The following ZNF605 variants were observed in gnomAD, a reference collection of about 807,000 sequenced individuals.
The protein encoded by ZNF605 is zinc finger protein 605.
A neutral mutation model predicts 7.9 loss-of-function variants in ZNF605; 9 were observed. The observed-to-expected ratio is 1.14, with a 90% CI of 0.68 to 1.98. ZNF605 has a LOEUF of 1.98. Ranked by LOEUF, ZNF605 falls within the 30% of genes most tolerant of loss-of-function variation. The probability of loss-of-function intolerance (pLI) is 0.00; values close to 1 mark genes in which losing one functional copy is unlikely to be tolerated. For missense variants in ZNF605, 673 were observed against 762.4 expected (o/e 0.88, Z 1.38); for synonymous variants, 255 against 260.1 (o/e 0.98, Z 0.19).
intron 3 of ZNF605, among the ~76,000 whole-genome samples, chr12:132,937,981 T>C (rs2137141344): frequency 6.6e-6 from 1 of 152,294 alleles, no homozygotes; most frequent in South Asian, 2.1e-4. Context: ...CATTTATTTA[T>C]TTATTTATTA....
chr12:132,933,295 C>G lies in ZNF605; in HGVS notation c.16-140G>C. On this transcript the variant is annotated intron_variant, in intron 3 of 4. Coordinates refer to ENST00000360187, the MANE Select transcript of ZNF605 (RefSeq NM_183238.4). This position sits in a 1 kb window ranked among gnomAD's most constrained non-coding sequence, Gnocchi z 4.4. Reference sequence around the variant, plus strand: ...CCGGTATTCATGCTTTTGCATAATCCTCCCCTCTTGACCGTGGGCTGGACT... The same window carrying G: ...CCGGTATTCATGCTTTTGCATAATCGTCCCCTCTTGACCGTGGGCTGGACT... The G allele has an allele frequency of 1.0e-6, 1 of 959,944 alleles. No homozygotes were observed. Among genetic ancestry groups the G allele is most frequent in the East Asian group, 2.7e-5 (1 of 37,558 alleles). 59.5% of individuals were successfully genotyped at this position (959,944 alleles called of 1,614,324 possible).
intron 4 of ZNF605, among the ~76,000 whole-genome samples, chr12:132,932,528 T>A (rs1419460422): frequency 6.6e-6 from 1 of 152,048 alleles, no homozygotes; most frequent in Non-Finnish European, 1.5e-5. Flanking sequence ...AAAAGACACA[T>A]CCCGATGTGG....
At chr12:132,935,678 G>A (rs1363759774) in intron 3 of ZNF605, among the ~76,000 whole-genome samples, 2 of 152,098 alleles carry the variant, frequency 1.3e-5, no homozygotes, top group East Asian at 3.9e-4. Flanking sequence ...GGATCACGAG[G>A]TAAGGAGATC....
rs1952187918 is a variant in ZNF605, at chr12:132,919,870, CT to C, written c.*5502del. 1 of 151,630 alleles carries C rather than the reference CT, an allele frequency of 6.6e-6. No homozygotes were observed. Among genetic ancestry groups the C allele is most frequent in the Non-Finnish European group, 1.5e-5 (1 of 68,088 alleles). The allele number at this position is 151,630 out of a possible 1,614,324, so 9.4% of individuals were successfully genotyped here. On this transcript the variant is annotated 3_prime_UTR_variant, in exon 5 of 5. Transcript: ENST00000360187. ...TTTTTGTGTGTGTGTGTGATGGAGT[CT>C]TGCTCTGTCACCCAGGCTGGAGTGC...
At position 132,923,740 on chromosome 12, in the gene ZNF605, TG is replaced by T. The variant is rs1952223165; in HGVS notation, c.*1632del. ...GTGGGGGTATTGTTTTCACCAGATT[TG>T]GAAAATCTTTAGCCATTATTTATTC... On this transcript the variant is annotated 3_prime_UTR_variant, in exon 5 of 5. Coordinates refer to ENST00000360187, the MANE Select transcript of ZNF605 (RefSeq NM_183238.4). 1 of 152,208 alleles carries T rather than the reference TG, an allele frequency of 6.6e-6. No homozygotes were observed. Among genetic ancestry groups the T allele is most frequent in the Non-Finnish European group, 1.5e-5 (1 of 68,032 alleles). 9.4% of individuals were successfully genotyped at this position (152,208 alleles called of 1,614,324 possible). A position where few individuals can be genotyped will look rare whatever the true frequency, so the allele number is the denominator to read the frequency against.
Position 132,954,142 on chromosome 12 carries a change from G to T in ZNF605, c.-286+2101C>A, listed in dbSNP as rs750957831. Among the ~76,000 whole-genome samples the T allele has an allele frequency of 1.6e-3, 241 of 151,496 alleles. 4 individuals are homozygous for T. The highest frequency in any genetic ancestry group is 2.8e-3 in the Non-Finnish European group (193 of 67,914). ...CCTACGTCACACCATAGACCTCACA[G>T]GCCAGGCAGAGTTATCCCTACAGGC... On this transcript the variant is annotated intron_variant, in intron 1 of 4. Coordinates refer to ENST00000360187, the MANE Select transcript of ZNF605 (RefSeq NM_183238.4).
At position 132,945,785 on chromosome 12, in the gene ZNF605, A is replaced by T; in HGVS notation, c.-150T>A. 8.6e-7 allele frequency: 1 copy of T among 1,158,386 alleles called. No individual in the cohort carries two copies. Among genetic ancestry groups the T allele is most frequent in the Non-Finnish European group, 1.3e-6 (1 of 770,156 alleles). 71.8% of individuals were successfully genotyped at this position (1,158,386 alleles called of 1,614,324 possible). Reference sequence around the variant, plus strand: ...TATCTCACATGAATTGTCTTGTTCCAGAGGGCTATTGCCTGTGGATGCAGT... The same window carrying T: ...TATCTCACATGAATTGTCTTGTTCCTGAGGGCTATTGCCTGTGGATGCAGT... On this transcript the variant is annotated 5_prime_UTR_variant, in exon 3 of 5. Coordinates refer to ENST00000360187, the MANE Select transcript of ZNF605 (RefSeq NM_183238.4).
intron 2 of ZNF605, 28 bp downstream of exon 2, chr12:132,948,119 AC>A (rs1952513188): frequency 6.6e-6 from 1 of 152,206 alleles, no homozygotes; most frequent in South Asian, 2.1e-4. Context: ...CTCAAAAAGC[AC>A]CACATCCTGG....
chr12:132,939,305 G>A (rs1178838112), intron 3 of ZNF605, among the ~76,000 whole-genome samples: 1 of 152,228 alleles, frequency 6.6e-6, no homozygotes, highest in Non-Finnish European at 1.5e-5. Flanking sequence ...CTCAAGGTTT[G>A]TGAGTGCACC....
In ZNF605 at chr12:132,923,033, G is replaced by C. The variant is rs761285292; in HGVS notation, c.*2340C>G. The C allele has an allele frequency of 6.6e-6, 1 of 152,180 alleles. No homozygotes were observed. Among genetic ancestry groups the C allele is most frequent in the Non-Finnish European group, 1.5e-5 (1 of 68,030 alleles). The allele number at this position is 152,180 out of a possible 1,614,324, so 9.4% of individuals were successfully genotyped here. ...CAGATCCACAATACATACAATTTCTGTCATGTGCCTGCTACAAATTCAAGC... is the reference window on the plus strand; with the variant it reads ...CAGATCCACAATACATACAATTTCTCTCATGTGCCTGCTACAAATTCAAGC... On this transcript the variant is annotated 3_prime_UTR_variant, in exon 5 of 5. Transcript: ENST00000360187.
Position 132,927,014 on chromosome 12 carries a change from A to C in ZNF605, c.285T>G (p.Cys95Trp). The change falls in exon 5 of 5, where the codon TGT becomes TGG. Residue 95 changes from cysteine to tryptophan, a missense_variant. Coordinates refer to ENST00000360187, the MANE Select transcript of ZNF605 (RefSeq NM_183238.4). ...ATTTCAAACTTTTTTCTCCTGTGCC[A>C]CATTTATGGGATCGCAGTCCTACAT... ...IVHVGLRSHK[C>W]GTGEKSLKCP... 6.2e-7 allele frequency: 1 copy of C among 1,611,252 alleles called. No individual in the cohort carries two copies.
At chr12:132,931,721 T>C (rs924781699) in intron 4 of ZNF605, among the ~76,000 whole-genome samples, 5 of 152,162 alleles carry the variant, frequency 3.3e-5, no homozygotes, top group African/African-American at 9.7e-5. Context: ...TACCATGAGA[T>C]TCTTCAACAA....
chr12:132,941,874 G>A lies in ZNF605; in HGVS notation c.15+3747C>T, dbSNP rs1317618417. ...TCTTCTCCAGGCTGCCCTCCATCAC[G>A]CACTCTTCTTCTCCAGTTACAGACA... On this transcript the variant is annotated intron_variant, in intron 3 of 4. Transcript: ENST00000360187. This position sits in a 1 kb window ranked among gnomAD's most constrained non-coding sequence, Gnocchi z 5.1. Among the ~76,000 whole-genome samples, 4 of 152,202 alleles carry A rather than the reference G, an allele frequency of 2.6e-5. No individual in the cohort carries two copies. The highest frequency in any genetic ancestry group is 3.9e-4 in the East Asian group (2 of 5,178).
rs1952232154 is a variant in ZNF605, at chr12:132,924,921, CT to C, written c.*451del. On this transcript the variant is annotated 3_prime_UTR_variant, in exon 5 of 5. Transcript: ENST00000360187. ...ACAGAACTATTTCAATAGCATCATG[CT>C]TGTCAAATTCTTTACATTATTGAGA... The C allele has an allele frequency of 6.5e-6, 1 of 154,264 alleles. No homozygotes were observed. The highest frequency in any genetic ancestry group is 2.4e-5 in the African/African-American group (1 of 41,518). 9.6% of individuals were successfully genotyped at this position (154,264 alleles called of 1,614,324 possible).
Position 132,919,499 on chromosome 12 carries a change from C to T in ZNF605, c.*5874G>A, listed in dbSNP as rs552216343. ...CCGCCTCCCGGGTTCACGCCATTCT[C>T]CTGCCTCAGCCTCCCGAGTAGCTGG... is the stretch of plus-strand genomic sequence containing the variant. On this transcript the variant is annotated 3_prime_UTR_variant, in exon 5 of 5. Transcript: ENST00000360187. 6.6e-6 allele frequency: 1 copy of T among 151,138 alleles called. No individual in the cohort carries two copies. Among genetic ancestry groups the T allele is most frequent in the Non-Finnish European group, 1.5e-5 (1 of 67,934 alleles). The allele number at this position is 151,138 out of a possible 1,614,324, so 9.4% of individuals were successfully genotyped here.
chr12:132,922,528 T>C lies in ZNF605; in HGVS notation c.*2845A>G, dbSNP rs186158192. Reference sequence around the variant, plus strand: ...TTGAGACATTTCAGCCTATGCACTATGCGGCACTTGTACTGATAACTGATT... The same window carrying C: ...TTGAGACATTTCAGCCTATGCACTACGCGGCACTTGTACTGATAACTGATT... On this transcript the variant is annotated 3_prime_UTR_variant, in exon 5 of 5. Coordinates refer to ENST00000360187, the MANE Select transcript of ZNF605 (RefSeq NM_183238.4). The C allele has an allele frequency of 6.6e-6, 1 of 152,350 alleles. No homozygotes were observed. The highest frequency in any genetic ancestry group is 6.5e-5 in the Admixed American group (1 of 15,294). 9.4% of individuals were successfully genotyped at this position (152,350 alleles called of 1,614,324 possible). A position where few individuals can be genotyped will look rare whatever the true frequency, so the allele number is the denominator to read the frequency against.
chr12:132,933,241 C>G lies in ZNF605; in HGVS notation c.16-86G>C. ...TTCTTCTGTATTTGTGGTAGGTGGCCTCTAAGATGGCCCCAGTGACCTCTG... is the reference window on the plus strand; with the variant it reads ...TTCTTCTGTATTTGTGGTAGGTGGCGTCTAAGATGGCCCCAGTGACCTCTG... On this transcript the variant is annotated intron_variant, in intron 3 of 4. Coordinates refer to ENST00000360187, the MANE Select transcript of ZNF605 (RefSeq NM_183238.4). The surrounding 1 kb of genome is among the most constrained non-coding windows in gnomAD (Gnocchi z 4.4). 3.4e-6 allele frequency: 5 copies of G among 1,464,860 alleles called. No homozygotes were observed. The highest frequency in any genetic ancestry group is 4.6e-6 in the Non-Finnish European group (5 of 1,092,928). 90.7% of individuals were successfully genotyped at this position (1,464,860 alleles called of 1,614,324 possible).
intron 1 of ZNF605, among the ~76,000 whole-genome samples, chr12:132,950,673 C>T (rs1009152873): frequency 6.6e-6 from 1 of 151,500 alleles, no homozygotes; most frequent in Admixed American, 6.6e-5. Flanking sequence ...CACACAGATA[C>T]ACAGGTACAC....
Position 132,926,394 on chromosome 12 carries a change from G to A in ZNF605, c.905C>T (p.Ala302Val), listed in dbSNP as rs867864073. ...TGGATAGGGTTTCTCTCCTGTGTGC[G>A]CTCTCTGATGTGTGATGAGTTTTAA... Reference protein sequence around the residue: ...QKLKLITHQRAHTGEKPYPCS... With the variant: ...QKLKLITHQRVHTGEKPYPCS... Residue 302 changes from alanine (A) to valine (V), a missense_variant, in exon 5 of 5, where the codon GCG becomes GTG. Physicochemically the swap from Ala to Val is moderately conservative, Grantham distance 64. Transcript: ENST00000360187. 2.3e-4 allele frequency: 369 copies of A among 1,614,098 alleles called. No individual in the cohort carries two copies. In the African/African-American group the frequency reaches 3.5e-3, roughly 15 times the overall value.
Sources: gnomAD v4.1 joint callset for allele counts (sites outside exome capture counted in the v4.1 genomes callset) on GRCh38, gnomAD v4.1.1 for gene constraint, Gnocchi (gnomAD v3.1) non-coding constraint, MANE v1.5 for transcripts, NCBI Gene and HGNC (gene_info 2026-07-23, HGNC 2026-07-21) for gene names.